SOX5: variants seen among roughly 807,000 people sequenced by gnomAD.
SOX5 encodes transcription factor SOX-5.
Under a neutral mutation model 92.0 loss-of-function variants are expected in SOX5, and 9 were observed. The ratio of observed to expected loss-of-function variants is 0.10; its 90% CI spans 0.06 to 0.17. The LOEUF (loss-of-function observed/expected upper bound fraction) is 0.17, where lower values mean the gene tolerates loss of function less well. SOX5 is among the 10% of genes least tolerant of loss of function. The pLI is 1.00. For synonymous variants in SOX5, 344 were observed against 336.3 expected (o/e 1.02, Z -0.25); for missense variants, 642 against 944.5 (o/e 0.68, Z 4.20).
chr12:24,209,759 C>T (rs1045072121), intron 4 of SOX5, among the ~76,000 whole-genome samples: 3 of 151,992 alleles, frequency 2.0e-5, no homozygotes, highest in Non-Finnish European at 2.9e-5. Flanking sequence ...TGGCTCACGC[C>T]TGTAATCCCA....
chr12:24,471,158 C>T (rs1318247150), intron 1 of SOX5, among the ~76,000 whole-genome samples: 2 of 152,114 alleles, frequency 1.3e-5, no homozygotes, highest in East Asian at 1.9e-4. Flanking sequence ...AAAGTTTCTA[C>T]ACATCCTTAG....
At chr12:24,007,160 T>A (rs375267378) in intron 4 of SOX5, among the ~76,000 whole-genome samples, 618 of 16,938 alleles carry the variant, frequency 0.036, 108 homozygotes, top group African/African-American at 0.078. Flanking sequence ...TATATATATA[T>A]ACATTTATAT....
chr12:23,547,910 C>T (rs1348555088), intron 11 of SOX5, among the ~76,000 whole-genome samples: 2 of 152,002 alleles, frequency 1.3e-5, no homozygotes, highest in South Asian at 2.1e-4. Flanking sequence ...CTGAGAGAGT[C>T]GGCTGTATAT....
At chr12:23,556,462 A>C (rs1376368659) in intron 11 of SOX5, among the ~76,000 whole-genome samples, 1 of 152,186 alleles carries the variant, frequency 6.6e-6, no homozygotes, top group Non-Finnish European at 1.5e-5. Context: ...TGTTATTTTA[A>C]TTTGTTCTTA....
intron 4 of SOX5, among the ~76,000 whole-genome samples, chr12:24,208,817 C>CA (rs1238056724): frequency 1.3e-5 from 2 of 151,870 alleles, no homozygotes; most frequent in African/African-American, 2.4e-5. Context: ...CAAAAACAAC[C>CA]AAAAAAATGG....
intron 4 of SOX5, among the ~76,000 whole-genome samples, chr12:24,207,755 C>T (rs1192133842): frequency 6.6e-6 from 1 of 152,172 alleles, no homozygotes; most frequent in Non-Finnish European, 1.5e-5. Context: ...TCAGCACCCT[C>T]GTCTTGCAGG....
chr12:23,998,022 CA>C (rs1951200981), intron 4 of SOX5, among the ~76,000 whole-genome samples: 1 of 151,936 alleles, frequency 6.6e-6, no homozygotes, highest in South Asian at 2.1e-4. Flanking sequence ...GTACAGTTTT[CA>C]ATGAAAAATC....
At chr12:24,259,956 C>T (rs1232493440) in intron 3 of SOX5, among the ~76,000 whole-genome samples, 6 of 151,834 alleles carry the variant, frequency 4.0e-5, no homozygotes, top group African/African-American at 7.3e-5. Context: ...TTTTGAAAGA[C>T]GAATTGGAGA....
intron 6 of SOX5, among the ~76,000 whole-genome samples, chr12:23,703,899 T>G (rs1190846391): frequency 6.6e-6 from 1 of 152,010 alleles, no homozygotes; most frequent in East Asian, 1.9e-4. Context: ...AAGAGCAAAC[T>G]GCACATACTA....
chr12:23,779,814 T>TATATATATATATATATATATACAC (rs777013504), intron 3 of SOX5, among the ~76,000 whole-genome samples: 2 of 110,810 alleles, frequency 1.8e-5, no homozygotes, highest in Non-Finnish European at 3.6e-5. Context: ...TATATATATA[T>TATATATATATATATATATATACAC]ACACACACAC....
At chr12:23,982,839 C>G (rs1443296381) in intron 4 of SOX5, among the ~76,000 whole-genome samples, 1 of 151,842 alleles carries the variant, frequency 6.6e-6, no homozygotes, top group Non-Finnish European at 1.5e-5. Context: ...TCTTACTAAG[C>G]CATTGAATCC....
At chr12:24,240,263 TCTTTGG>T in intron 3 of SOX5, among the ~76,000 whole-genome samples, 1 of 152,292 alleles carries the variant, frequency 6.6e-6, no homozygotes, top group African/African-American at 2.4e-5. Context: ...AAGCAGCTAA[TCTTTGG>T]CTCCAAATTA....
intron 2 of SOX5, among the ~76,000 whole-genome samples, chr12:23,863,786 A>AACACACT (rs2096781003): frequency 6.9e-6 from 1 of 143,888 alleles, no homozygotes; most frequent in African/African-American, 2.6e-5. Context: ...TAACATTTTA[A>AACACACT]ACACACTACA....
At chr12:23,893,938 C>G (rs1486071341) in intron 2 of SOX5, among the ~76,000 whole-genome samples, 1 of 152,132 alleles carries the variant, frequency 6.6e-6, no homozygotes, top group East Asian at 1.9e-4. Context: ...AATAGATAAT[C>G]AGAATATGAA....
intron 1 of SOX5, among the ~76,000 whole-genome samples, chr12:24,514,562 C>T (rs1373789557): frequency 6.6e-6 from 1 of 152,128 alleles, no homozygotes; most frequent in Middle Eastern, 3.2e-3. Flanking sequence ...GGTATATACC[C>T]AAAGCAGTAT....
chr12:24,002,035 T>C (rs997954495), intron 4 of SOX5, among the ~76,000 whole-genome samples: 1 of 152,020 alleles, frequency 6.6e-6, no homozygotes. Flanking sequence ...AAAAATGAAA[T>C]TCATTGGATA....
chr12:24,310,831 T>A (rs2140789399), intron 2 of SOX5, among the ~76,000 whole-genome samples: 1 of 151,964 alleles, frequency 6.6e-6, no homozygotes, highest in African/African-American at 2.4e-5. Flanking sequence ...CATTGAAGGA[T>A]TTTCAGTGTT....
intron 3 of SOX5, among the ~76,000 whole-genome samples, chr12:24,261,913 A>C (rs1020437492): frequency 4.6e-5 from 7 of 152,238 alleles, no homozygotes. Context: ...AAAAAATATC[A>C]ATTTTAAAAG....
chr12:23,979,568 C>T (rs997372264), intron 4 of SOX5, among the ~76,000 whole-genome samples: 9 of 151,616 alleles, frequency 5.9e-5, no homozygotes, highest in African/African-American at 1.9e-4. Context: ...AGTAATTTTA[C>T]TGGCCTCCTA....
Sources: gnomAD v4.1 joint callset for allele counts (sites outside exome capture counted in the v4.1 genomes callset) on GRCh38, gnomAD v4.1.1 for gene constraint, MANE v1.5 for transcripts, NCBI Gene and HGNC (gene_info 2026-07-23, HGNC 2026-07-21) for gene names.